AGBL1: variants seen among roughly 807,000 people sequenced by gnomAD.
AGBL1 encodes the protein cytosolic carboxypeptidase 4.
In AGBL1, 130 loss-of-function variants were observed where a neutral mutation model predicts 118.9. The observed-to-expected ratio is 1.09, with a 90% CI of 0.95 to 1.26. The LOEUF (loss-of-function observed/expected upper bound fraction) is 1.26. Among genes scored for constraint, AGBL1 ranks in the 50% most tolerant of loss-of-function variants. The pLI, the probability that AGBL1 is intolerant of heterozygous loss-of-function variation, is 0.00. For missense variants in AGBL1, 1,584 were observed against 1,298.1 expected (o/e 1.22, Z -3.38); for synonymous variants, 555 against 478.9 (o/e 1.16, Z -2.08).
chr15:86,866,550 C>T (rs887016127), intron 22 of AGBL1, among the ~76,000 whole-genome samples: 1 of 152,160 alleles, frequency 6.6e-6, no homozygotes, highest in East Asian at 1.9e-4. Context: ...GGCAAATCAA[C>T]AATAAATAGA....
intron 23 of AGBL1, among the ~76,000 whole-genome samples, chr15:86,934,874 C>G (rs2080648133): frequency 6.6e-6 from 1 of 152,122 alleles, no homozygotes; most frequent in Non-Finnish European, 1.5e-5. Flanking sequence ...TTTTTAAACA[C>G]TGATTTTGGG....
At chr15:86,825,688 A>AGGGAGG (rs1199029166) in intron 22 of AGBL1, among the ~76,000 whole-genome samples, 1 of 116,018 alleles carries the variant, frequency 8.6e-6, no homozygotes, top group East Asian at 2.9e-4. Flanking sequence ...AGGAAGGGAG[A>AGGGAGG]GAGGGAGGGA....
chr15:86,815,602 T>C (rs1157706676), intron 22 of AGBL1, among the ~76,000 whole-genome samples: 2 of 152,122 alleles, frequency 1.3e-5, no homozygotes, highest in Non-Finnish European at 2.9e-5. Flanking sequence ...TAAGATTAAT[T>C]GGAGCAAAGA....
intron 22 of AGBL1, among the ~76,000 whole-genome samples, chr15:86,743,092 C>T (rs2077702720): frequency 6.6e-6 from 1 of 152,030 alleles, no homozygotes. Context: ...GGAGCGTGGT[C>T]ACAGCAATGT....
chr15:86,720,356 ACTTT>A (rs2086699255), intron 22 of AGBL1, among the ~76,000 whole-genome samples: 2 of 152,202 alleles, frequency 1.3e-5, no homozygotes, highest in Admixed American at 1.3e-4. Flanking sequence ...AGTTATGTTT[ACTTT>A]CTGTCATTCC....
At chr15:86,788,878 C>G (rs182185550) in intron 22 of AGBL1, among the ~76,000 whole-genome samples, 32 of 152,224 alleles carry the variant, frequency 2.1e-4, no homozygotes, top group Admixed American at 1.4e-3. Context: ...AAAGCAAGTG[C>G]AAAGTGCAAG....
intron 17 of AGBL1, among the ~76,000 whole-genome samples, chr15:86,313,021 G>A (rs576308722): frequency 6.6e-6 from 1 of 152,332 alleles, no homozygotes; most frequent in East Asian, 1.9e-4. Context: ...TTAAGCTGCT[G>A]GGGAAGCAGC....
At position 86,150,944 on chromosome 15, in the gene AGBL1, C is replaced by T. The variant is rs375059479; in HGVS notation, c.263-3486C>T. 1.6e-3 allele frequency among the ~76,000 whole-genome samples: 248 copies of T among 152,098 alleles called. 3 individuals carry two copies. In the South Asian group the frequency reaches 0.047, roughly 29 times the overall value. On this transcript the variant is annotated intron_variant, in intron 3 of 22. Transcript: ENST00000614907. ...GATAGACTGGATTAAAAAAATGTGG[C>T]ACATATACACCATGGAATACTATGC...
At chr15:86,483,441 A>G (rs1829184367) in intron 18 of AGBL1, among the ~76,000 whole-genome samples, 3 of 152,058 alleles carry the variant, frequency 2.0e-5, no homozygotes, top group Admixed American at 2.0e-4. Flanking sequence ...AAAATGCCTA[A>G]TGGCAGTTAG....
At chr15:86,863,434 G>T (rs754685538) in intron 22 of AGBL1, among the ~76,000 whole-genome samples, 8 of 152,048 alleles carry the variant, frequency 5.3e-5, no homozygotes, top group Non-Finnish European at 8.8e-5. Context: ...AAGCCCTTGA[G>T]GCCTAATGGA....
chr15:86,365,557 T>C (rs1399904802), intron 17 of AGBL1, among the ~76,000 whole-genome samples: 1 of 152,218 alleles, frequency 6.6e-6, no homozygotes, highest in Non-Finnish European at 1.5e-5. Flanking sequence ...ATTGAATTTT[T>C]GCCTCTTATG....
At chr15:86,351,947 A>C (rs890383446) in intron 17 of AGBL1, among the ~76,000 whole-genome samples, 1 of 152,226 alleles carries the variant, frequency 6.6e-6, no homozygotes, top group African/African-American at 2.4e-5. Flanking sequence ...TGTGACATCT[A>C]GTGTAGCAGG....
intron 19 of AGBL1, among the ~76,000 whole-genome samples, chr15:86,540,016 A>G (rs944646320): frequency 6.6e-6 from 1 of 152,200 alleles, no homozygotes; most frequent in Non-Finnish European, 1.5e-5. Context: ...TGGGGCTCCA[A>G]TATTTATTCA....
intron 1 of AGBL1, among the ~76,000 whole-genome samples, chr15:86,135,020 G>T (rs2076870520): frequency 6.6e-6 from 1 of 152,084 alleles, no homozygotes; most frequent in Non-Finnish European, 1.5e-5. Context: ...TGTTGGAGTT[G>T]GGGCCTAATG....
At chr15:86,251,262 T>C (rs1265384391) in intron 7 of AGBL1, among the ~76,000 whole-genome samples, 1 of 152,208 alleles carries the variant, frequency 6.6e-6, no homozygotes, top group Non-Finnish European at 1.5e-5. Flanking sequence ...TAGTCTCACC[T>C]GAGAGCCCAT....
At chr15:86,239,933 T>C (rs969159166) in intron 6 of AGBL1, among the ~76,000 whole-genome samples, 4 of 152,204 alleles carry the variant, frequency 2.6e-5, no homozygotes, top group Non-Finnish European at 4.4e-5. Flanking sequence ...GGTATATATA[T>C]AGGCACGGGA....
At chr15:86,557,574 C>T (rs2083752088) in intron 21 of AGBL1, among the ~76,000 whole-genome samples, 1 of 152,158 alleles carries the variant, frequency 6.6e-6, no homozygotes, top group Non-Finnish European at 1.5e-5. Context: ...GAGCTGCATC[C>T]TTGTATTGTG....
intron 15 of AGBL1, among the ~76,000 whole-genome samples, chr15:86,274,185 T>G (rs909641951): frequency 6.6e-6 from 1 of 152,200 alleles, no homozygotes; most frequent in Non-Finnish European, 1.5e-5. Context: ...AATTGTTACA[T>G]CTTTATGCTA....
intron 23 of AGBL1, among the ~76,000 whole-genome samples, chr15:86,951,275 T>G (rs1374623655): frequency 6.6e-6 from 1 of 152,228 alleles, no homozygotes; most frequent in African/African-American, 2.4e-5. Flanking sequence ...TGTTGGCATA[T>G]TCTACTAAAT....
Sources: gnomAD v4.1 joint callset for allele counts (sites outside exome capture counted in the v4.1 genomes callset) on GRCh38, gnomAD v4.1.1 for gene constraint, MANE v1.5 for transcripts, NCBI Gene and HGNC (gene_info 2026-07-23, HGNC 2026-07-21) for gene names.